Variants in CDH18 observed in about 807,000 individuals in gnomAD.
CDH18 encodes the protein cadherin-18.
CDH18 carries 31 observed loss-of-function variants against 67.9 expected under a neutral mutation model. The observed-to-expected ratio is 0.46, with a 90% CI of 0.34 to 0.62. The LOEUF (loss-of-function observed/expected upper bound fraction) is 0.62. Among genes scored for constraint, CDH18 ranks in the 20% least tolerant of loss-of-function variants. The pLI is 0.01. For synonymous variants in CDH18, 362 were observed against 347.2 expected, an observed-to-expected ratio of 1.04 and a Z score of -0.48; for missense variants, 890 against 975.5, an observed-to-expected ratio of 0.91 and a Z score of 1.17.
At chr5:20,347,055 A>C (rs1169833731) in intron 1 of CDH18, among the ~76,000 whole-genome samples, 2 of 152,112 alleles carry the variant, frequency 1.3e-5, no homozygotes, top group Non-Finnish European at 2.9e-5. Context: ...TGTAGAGCTA[A>C]ATTGTTAAGG....
At chr5:19,698,240 T>A (rs561436151) in intron 5 of CDH18, among the ~76,000 whole-genome samples, 2 of 152,152 alleles carry the variant, frequency 1.3e-5, no homozygotes, top group African/African-American at 4.8e-5. Context: ...GATATGGAAG[T>A]TTTTTTAAAT....
intron 3 of CDH18, among the ~76,000 whole-genome samples, chr5:19,819,656 C>A (rs1176996800): frequency 6.6e-6 from 1 of 152,134 alleles, no homozygotes; most frequent in East Asian, 1.9e-4. Flanking sequence ...GCAAGGGGAA[C>A]TTCCCAGAGA....
chr5:19,906,765 T>A (rs1790583900), intron 2 of CDH18, among the ~76,000 whole-genome samples: 1 of 151,966 alleles, frequency 6.6e-6, no homozygotes, highest in African/African-American at 2.4e-5. Context: ...TAAGGTCAAT[T>A]ATTAAAGACT....
chr5:19,805,799 T>G (rs2149871240), intron 3 of CDH18, among the ~76,000 whole-genome samples: 1 of 152,326 alleles, frequency 6.6e-6, no homozygotes, highest in East Asian at 1.9e-4. Context: ...TCTCAATTTC[T>G]TCTACAATTG....
At chr5:20,095,444 A>T (rs901078851) in intron 2 of CDH18, among the ~76,000 whole-genome samples, 1 of 81,906 alleles carries the variant, frequency 1.2e-5, no homozygotes, top group South Asian at 3.7e-4. Flanking sequence ...AGAAAGAAAG[A>T]AAAGAAAGAA....
intron 3 of CDH18, among the ~76,000 whole-genome samples, chr5:19,824,823 G>A (rs1780244515): frequency 1.3e-5 from 2 of 152,136 alleles, no homozygotes; most frequent in Non-Finnish European, 2.9e-5. Context: ...AGCTGTGTGG[G>A]CAACACTTGC....
At chr5:19,576,911 T>C (rs1305214935) in intron 7 of CDH18, among the ~76,000 whole-genome samples, 2 of 151,546 alleles carry the variant, frequency 1.3e-5, no homozygotes, top group South Asian at 2.1e-4. Flanking sequence ...ATTTAGTCTG[T>C]TACTTAAAAA....
At chr5:19,935,795 A>ACTCT (rs70954623) in intron 2 of CDH18, among the ~76,000 whole-genome samples, 5,365 of 117,240 alleles carry the variant, frequency 0.046, 284 homozygotes, top group East Asian at 0.23. Context: ...ACAGTCAGGA[A>ACTCT]CTCTCTCTCT....
chr5:20,197,468 T>C (rs745334224), intron 2 of CDH18, among the ~76,000 whole-genome samples: 1 of 152,220 alleles, frequency 6.6e-6, no homozygotes, highest in Admixed American at 6.5e-5. Context: ...TTAAGTGTTA[T>C]ACGAATGCAT....
chr5:19,829,048 T>A (rs534068970), intron 3 of CDH18, among the ~76,000 whole-genome samples: 13 of 151,824 alleles, frequency 8.6e-5, no homozygotes, highest in Middle Eastern at 3.4e-3. Context: ...AAAAATAAAT[T>A]AATTAATTAA....
At chr5:19,847,518 T>C (rs939186351) in intron 2 of CDH18, among the ~76,000 whole-genome samples, 12 of 152,138 alleles carry the variant, frequency 7.9e-5, no homozygotes, top group African/African-American at 2.9e-4. Context: ...TTACTGAGCT[T>C]CTTGACATTT....
chr5:19,709,721 A>G (rs1764468984), intron 5 of CDH18, among the ~76,000 whole-genome samples: 2 of 152,052 alleles, frequency 1.3e-5, no homozygotes, highest in African/African-American at 2.4e-5. Flanking sequence ...AAAGAAAAGA[A>G]AAAAAGAAAA....
At chr5:19,587,898 T>C (rs1744446819) in intron 7 of CDH18, among the ~76,000 whole-genome samples, 1 of 152,140 alleles carries the variant, frequency 6.6e-6, no homozygotes. Context: ...AATTTCACGA[T>C]ATTGATTCTT....
rs76991405 is a variant in CDH18 at position 19,536,478 on chromosome 5, G to A, written c.1390+7391C>T. ...TTCAGAGGATTAAGCTGAAAACAGA[G>A]AGGGCTGAGTCTTGTTAAGGAAATT... On this transcript the variant is annotated intron_variant, in intron 9 of 12. Coordinates refer to ENST00000382275, the MANE Select transcript of CDH18 (RefSeq NM_004934.5). Among the ~76,000 whole-genome samples the A allele has an allele frequency of 5.3e-4, 81 of 152,292 alleles. No homozygotes were observed. The East Asian group carries it at 0.014, about 26-fold the overall frequency.
intron 1 of CDH18, among the ~76,000 whole-genome samples, chr5:20,402,447 A>G (rs941231881): frequency 6.6e-6 from 1 of 152,164 alleles, no homozygotes; most frequent in African/African-American, 2.4e-5. Context: ...TTTTGTTTGT[A>G]CAGGAAAAAA....
chr5:20,468,171 C>T (rs190728021), intron 1 of CDH18, among the ~76,000 whole-genome samples: 4 of 152,020 alleles, frequency 2.6e-5, no homozygotes, highest in Non-Finnish European at 2.9e-5. Context: ...CCCACTAAGA[C>T]GTCCAGCTAA....
At position 20,242,609 on chromosome 5, in the gene CDH18, A is replaced by C. The variant is rs865909029; in HGVS notation, c.-518+12835T>G. On this transcript the variant is annotated intron_variant, in intron 2 of 14. Transcript: ENST00000507958. The stretch of plus-strand genomic sequence containing the variant: ...GTTTCATTGAGGGAAAAAAAAAAAA[A>C]AAATATATATATATATATATATATG... Among the ~76,000 whole-genome samples the C allele has an allele frequency of 4.9e-3, 423 of 86,922 alleles. 5 individuals carry two copies. The highest frequency in any genetic ancestry group is 0.017 in the Middle Eastern group (3 of 174). The allele number at this position is 86,922 out of a possible 152,430, so 57.0% of individuals were successfully genotyped here.
At chr5:19,639,335 C>G (rs1753708082) in intron 5 of CDH18, among the ~76,000 whole-genome samples, 1 of 152,032 alleles carries the variant, frequency 6.6e-6, no homozygotes, top group Admixed American at 6.6e-5. Flanking sequence ...TAAGGAAGTG[C>G]GAAGATGGCT....
At chr5:19,842,210 GA>G (rs1172168228) in intron 2 of CDH18, among the ~76,000 whole-genome samples, 1 of 152,090 alleles carries the variant, frequency 6.6e-6, no homozygotes. Flanking sequence ...CTGATAAACC[GA>G]GCCCTGACTT....
Sources: gnomAD v4.1 joint callset for allele counts (sites outside exome capture counted in the v4.1 genomes callset) on GRCh38, gnomAD v4.1.1 for gene constraint, MANE v1.5 for transcripts, NCBI Gene and HGNC (gene_info 2026-07-23, HGNC 2026-07-21) for gene names.